PRKN: variants seen among roughly 807,000 people sequenced by gnomAD.
The protein encoded by PRKN is parkin RBR E3 ubiquitin protein ligase, also known as E3 ubiquitin-protein ligase parkin.
A neutral mutation model predicts 59.5 loss-of-function variants in PRKN; 56 were observed. The observed-to-expected ratio is 0.94, with a 90% CI of 0.76 to 1.18. The LOEUF (loss-of-function observed/expected upper bound fraction) is 1.18. Among genes scored for constraint, PRKN ranks in the 50% most tolerant of loss-of-function variants. The pLI is 0.00. For missense variants in PRKN, 657 were observed against 596.4 expected, an observed-to-expected ratio of 1.10 and a Z score of -1.06; for synonymous variants, 250 against 222.1, an observed-to-expected ratio of 1.13 and a Z score of -1.12.
chr6:162,216,910 ACTT>A (rs1177728801), intron 3 of PRKN, among the ~76,000 whole-genome samples: 3 of 152,328 alleles, frequency 2.0e-5, no homozygotes, highest in Admixed American at 2.0e-4. Context: ...AGAAACTGAT[ACTT>A]CTTATTAGGT....
chr6:161,520,418 G>C (rs1309300384), intron 9 of PRKN, among the ~76,000 whole-genome samples: 1 of 151,900 alleles, frequency 6.6e-6, no homozygotes. Context: ...AGTAGAGATG[G>C]GGTTTCACCA....
At chr6:161,657,545 G>A (rs1411096325) in intron 7 of PRKN, among the ~76,000 whole-genome samples, 1 of 152,044 alleles carries the variant, frequency 6.6e-6, no homozygotes, top group Non-Finnish European at 1.5e-5. Context: ...GCAAACACCT[G>A]TCTTATTTTC....
intron 7 of PRKN, among the ~76,000 whole-genome samples, chr6:161,780,585 T>C (rs769061860): frequency 6.6e-6 from 1 of 152,112 alleles, no homozygotes; most frequent in Non-Finnish European, 1.5e-5. Context: ...ATTAACCCTA[T>C]TAAAACAGAT....
At chr6:162,010,486 T>TAA (rs1782477330) in intron 5 of PRKN, among the ~76,000 whole-genome samples, 4 of 64,086 alleles carry the variant, frequency 6.2e-5, no homozygotes, top group African/African-American at 3.1e-4. Flanking sequence ...AATGTATTTA[T>TAA]AATATATATT....
chr6:162,003,424 T>C (rs1459894493), intron 5 of PRKN, among the ~76,000 whole-genome samples: 1 of 152,112 alleles, frequency 6.6e-6, no homozygotes, highest in Non-Finnish European at 1.5e-5. Context: ...AGACACTTTC[T>C]AGGATGCTTA....
chr6:162,517,287 G>A (rs925070541), intron 1 of PRKN, among the ~76,000 whole-genome samples: 4 of 148,652 alleles, frequency 2.7e-5, no homozygotes, highest in Middle Eastern at 3.4e-3. Flanking sequence ...CCGCTCTGTC[G>A]CCCAGGCTGG....
intron 6 of PRKN, among the ~76,000 whole-genome samples, chr6:161,854,621 TG>T: frequency 6.6e-6 from 1 of 152,296 alleles, no homozygotes. Flanking sequence ...AATGTAGTTA[TG>T]GTTTTTTAAG....
chr6:161,396,877 C>A lies in PRKN; in HGVS notation c.1084-10000G>T, dbSNP rs909648488. Among the ~76,000 whole-genome samples, 4 of 152,188 alleles carry A rather than the reference C, an allele frequency of 2.6e-5. No homozygotes were observed. In the East Asian group the frequency reaches 5.8e-4, roughly 22 times the overall value. ...AGAGGCCTGAACATGTTTGGGGACA[C>A]CCTGCCAGCACATCTTACAGACTTT... On this transcript the variant is annotated intron_variant, in intron 9 of 11. Transcript: ENST00000366898. The surrounding 1 kb of genome is among the most constrained non-coding windows in gnomAD (Gnocchi z 5.4).
At chr6:161,861,616 C>A (rs1352213300) in intron 6 of PRKN, among the ~76,000 whole-genome samples, 2 of 141,746 alleles carry the variant, frequency 1.4e-5, no homozygotes. Context: ...TATAAACATT[C>A]AAAAAAAAAA....
At chr6:162,656,184 T>C (rs1377030562) in intron 1 of PRKN, among the ~76,000 whole-genome samples, 1 of 152,214 alleles carries the variant, frequency 6.6e-6, no homozygotes, top group African/African-American at 2.4e-5. Flanking sequence ...TTCTCTCTAC[T>C]GGCAACTTTT....
chr6:161,426,234 T>C (rs373049860), intron 9 of PRKN, among the ~76,000 whole-genome samples: 44 of 152,314 alleles, frequency 2.9e-4, no homozygotes, highest in African/African-American at 1.0e-3. Context: ...ACCTCAGGGA[T>C]ATGATTCTAT....
chr6:161,489,000 G>T lies in PRKN; in HGVS notation c.1083+59854C>A, dbSNP rs1037983609. On this transcript the variant is annotated intron_variant, in intron 9 of 11. Coordinates refer to ENST00000366898, the MANE Select transcript of PRKN (RefSeq NM_004562.3). This position sits in a 1 kb window ranked among gnomAD's most constrained non-coding sequence, Gnocchi z 4.5. ...TGATGACATTTCTCAGGAACGAGGC[G>T]ACTAGAAGAAAAACATGAAAGAAAA... 1.3e-5 allele frequency among the ~76,000 whole-genome samples: 2 copies of T among 152,008 alleles called. No homozygotes were observed. The highest frequency in any genetic ancestry group is 2.9e-5 in the Non-Finnish European group (2 of 68,000).
chr6:162,407,843 T>G lies in PRKN; in HGVS notation c.171+35467A>C, dbSNP rs561726139. On this transcript the variant is annotated intron_variant, in intron 2 of 11. Transcript: ENST00000366898. ...CTAGAGCAAAGCTCACTAAATCTCC[T>G]TGAACTCTCTAGAGAAATGTAACTT... 1.9e-3 allele frequency among the ~76,000 whole-genome samples: 284 copies of G among 152,276 alleles called. 1 individual carries two copies. Among genetic ancestry groups the G allele is most frequent in the African/African-American group, 6.7e-3 (279 of 41,566 alleles).
intron 2 of PRKN, among the ~76,000 whole-genome samples, chr6:162,380,726 T>TA (rs1199972497): frequency 4.0e-5 from 6 of 150,552 alleles, no homozygotes; most frequent in East Asian, 1.9e-4. Context: ...CTCTACTGTT[T>TA]AAAAAAAAAC....
At chr6:162,288,323 C>G (rs1297416740) in intron 2 of PRKN, among the ~76,000 whole-genome samples, 3 of 152,160 alleles carry the variant, frequency 2.0e-5, no homozygotes. Context: ...ATCTGTGTAT[C>G]TGCCTTCTAT....
At chr6:161,915,798 T>C (rs1778533952) in intron 6 of PRKN, among the ~76,000 whole-genome samples, 1 of 152,104 alleles carries the variant, frequency 6.6e-6, no homozygotes, top group South Asian at 2.1e-4. Flanking sequence ...AATTCCCAAA[T>C]AGACATAGCA....
chr6:161,570,413 A>G (rs1260486618), intron 7 of PRKN, among the ~76,000 whole-genome samples: 1 of 149,856 alleles, frequency 6.7e-6, no homozygotes, highest in African/African-American at 2.5e-5. Flanking sequence ...ACCCTGGAAC[A>G]ACATGGGCTT....
intron 1 of PRKN, among the ~76,000 whole-genome samples, chr6:162,464,847 A>G (rs982710887): frequency 6.6e-6 from 1 of 151,462 alleles, no homozygotes; most frequent in Non-Finnish European, 1.5e-5. Flanking sequence ...AAGAAGAAGA[A>G]AAAAAGAAAA....
chr6:161,746,559 A>T (rs1788421942), intron 7 of PRKN, among the ~76,000 whole-genome samples: 1 of 145,044 alleles, frequency 6.9e-6, no homozygotes, highest in Admixed American at 6.9e-5. Context: ...CTATTTTTTT[A>T]TATATATATA....
Sources: gnomAD v4.1 joint callset for allele counts (sites outside exome capture counted in the v4.1 genomes callset) on GRCh38, gnomAD v4.1.1 for gene constraint, Gnocchi (gnomAD v3.1) non-coding constraint, MANE v1.5 for transcripts, NCBI Gene and HGNC (gene_info 2026-07-23, HGNC 2026-07-21) for gene names.